Variants in ECM2 observed in about 807,000 individuals in gnomAD.
ECM2 encodes the protein extracellular matrix protein 2.
In ECM2, 57 loss-of-function variants were observed where a neutral mutation model predicts 67.5. The ratio of observed to expected loss-of-function variants is 0.84; its 90% CI spans 0.68 to 1.05. ECM2 has a LOEUF of 1.05. ECM2 is among the 50% of genes least tolerant of loss of function. The probability of loss-of-function intolerance (pLI) is 0.00; values close to 1 mark genes in which losing one functional copy is unlikely to be tolerated. For missense variants in ECM2, 741 were observed against 822.8 expected (o/e 0.90, Z 1.22); for synonymous variants, 258 against 294.5 (o/e 0.88, Z 1.27).
intron 2 of ECM2, among the ~76,000 whole-genome samples, chr9:92,521,649 A>T (rs1848076974): frequency 1.3e-5 from 2 of 152,206 alleles, no homozygotes; most frequent in African/African-American, 4.8e-5. Flanking sequence ...AAAAATGTAA[A>T]CCATTTAATA....
intron 6 of ECM2, 42 bp from the exon 7 acceptor site, chr9:92,505,732 AAC>A: frequency 6.8e-7 from 1 of 1,474,020 alleles, no homozygotes; most frequent in Non-Finnish European, 9.1e-7. Flanking sequence ...ATAATTGAAA[AAC>A]CATGCAAATT....
At chr9:92,552,080 C>CATATATGTGATATGATAGGTCTATCAT in the ECM2 span, among the ~76,000 whole-genome samples, 2,160 of 74,676 alleles carry the variant, frequency 0.029, 205 homozygotes, top group Non-Finnish European at 0.036. Context: ...ATAGATCTAT[C>CATATATGTGATATGATAGGTCTATCAT]ATATATGTGA....
the ECM2 span, among the ~76,000 whole-genome samples, chr9:92,546,701 T>A: frequency 6.6e-6 from 1 of 152,298 alleles, no homozygotes; most frequent in South Asian, 2.1e-4. Context: ...ATTCTTGAAG[T>A]CAGTGAGACC....
chr9:92,507,873 C>A (rs1361040555), intron 6 of ECM2, among the ~76,000 whole-genome samples: 1 of 152,170 alleles, frequency 6.6e-6, no homozygotes, highest in Non-Finnish European at 1.5e-5. Flanking sequence ...AATTCCCTGC[C>A]CTTCAGCAAG....
At chr9:92,526,885 C>T (rs530533346) in intron 1 of ECM2, among the ~76,000 whole-genome samples, 1 of 152,136 alleles carries the variant, frequency 6.6e-6, no homozygotes, top group Non-Finnish European at 1.5e-5. Flanking sequence ...ACTGACTCAC[C>T]GGAGTGACTT....
Position 92,515,016 on chromosome 9 carries a change from ATCT to A in ECM2, c.666_668del (p.Glu222del), listed in dbSNP as rs769309376. ...CAGGGGTCTCTCTCTTTTGCTCTGT[ATCT>A]TCTTCTTTCACTTCTTCATCCTCCT... On this transcript the variant is annotated inframe_deletion, in exon 4 of 10. Coordinates refer to ENST00000344604, the MANE Select transcript of ECM2 (RefSeq NM_001393.4). 1.5e-5 allele frequency: 24 copies of A among 1,613,910 alleles called. No individual in the cohort carries two copies. Among genetic ancestry groups the A allele is most frequent in the Non-Finnish European group, 1.9e-5 (22 of 1,179,964 alleles).
intron 2 of ECM2, among the ~76,000 whole-genome samples, chr9:92,518,509 G>A (rs1413187419): frequency 1.3e-5 from 2 of 152,172 alleles, no homozygotes; most frequent in South Asian, 2.1e-4. Flanking sequence ...GCATGCTTCC[G>A]TGGTGCTTCT....
intron 2 of ECM2, among the ~76,000 whole-genome samples, chr9:92,520,012 TGGC>T (rs1847961591): frequency 2.1e-5 from 2 of 94,080 alleles, no homozygotes; most frequent in African/African-American, 7.1e-5. Flanking sequence ...CCCAATACAG[TGGC>T]TCTCGCTTGT....
In ECM2 at chr9:92,500,774, T is replaced by A; in HGVS notation, c.1884A>T (p.Gln628His). 1 of 1,614,148 alleles carries A rather than the reference T, an allele frequency of 6.2e-7. No individual in the cohort carries two copies. The highest frequency in any genetic ancestry group is 8.5e-7 in the Non-Finnish European group (1 of 1,179,966). The change falls in exon 9 of 10, where the codon CAA becomes CAT. Residue 628 changes from glutamine to histidine, a missense_variant. Gln to His is a conservative substitution (Grantham distance 24, BLOSUM62 0). Coordinates refer to ENST00000344604, the MANE Select transcript of ECM2 (RefSeq NM_001393.4). ...TCAGAAAATGTAGTGCTTTCATTTC[T>A]TGTATCCCAGGTGGTATAGATTTTA... ...NDLKSIPPGI[Q>H]EMKALHFLRL...
At chr9:92,533,331 ATAT>A (rs1563991502) in intron 1 of ECM2, among the ~76,000 whole-genome samples, 87 of 79,064 alleles carry the variant, frequency 1.1e-3, no homozygotes, top group East Asian at 3.8e-3. Context: ...AAAAAAAAAT[ATAT>A]ATATATATAT....
intron 8 of ECM2, among the ~76,000 whole-genome samples, chr9:92,501,375 T>G (rs1846664829): frequency 3.3e-5 from 5 of 152,206 alleles, no homozygotes; most frequent in Non-Finnish European, 7.3e-5. Context: ...GTTGATGCGT[T>G]GAATCCAAAA....
At chr9:92,503,820 C>G (rs1020390434) in intron 7 of ECM2, among the ~76,000 whole-genome samples, 1 of 152,190 alleles carries the variant, frequency 6.6e-6, no homozygotes, top group Non-Finnish European at 1.5e-5. Flanking sequence ...CAGTAAGAGA[C>G]TAGTCAAATA....
At chr9:92,551,962 ATGTG>A in the ECM2 span, among the ~76,000 whole-genome samples, 940 of 112,852 alleles carry the variant, frequency 8.3e-3, 67 homozygotes, top group African/African-American at 0.041. Flanking sequence ...TGATATATAT[ATGTG>A]TGATATATAT....
At chr9:92,504,464 A>G (rs1330766165) in intron 7 of ECM2, among the ~76,000 whole-genome samples, 1 of 152,156 alleles carries the variant, frequency 6.6e-6, no homozygotes, top group Non-Finnish European at 1.5e-5. Context: ...CTTAGTAAGG[A>G]AACCTGGGTT....
At chr9:92,531,103 C>T (rs1189102407) in intron 1 of ECM2, among the ~76,000 whole-genome samples, 3 of 152,010 alleles carry the variant, frequency 2.0e-5, no homozygotes, top group East Asian at 1.9e-4. Flanking sequence ...TTAATTGGAA[C>T]ATTTAGGCTG....
intron 3 of ECM2, chr9:92,517,239 C>T (rs961872589): frequency 5.3e-6 from 1 of 189,366 alleles, no homozygotes; most frequent in African/African-American, 2.4e-5. Context: ...TTGGGTATAG[C>T]CAGAGGGTTG....
In ECM2 at chr9:92,502,653, C is replaced by A; in HGVS notation, c.1465-1G>T. 6.4e-7 allele frequency: 1 copy of A among 1,560,924 alleles called. No homozygotes were observed. The highest frequency in any genetic ancestry group is 8.8e-7 in the Non-Finnish European group (1 of 1,141,578). On this transcript the variant is annotated splice_acceptor_variant, in intron 7 of 9. Coordinates refer to ENST00000344604, the MANE Select transcript of ECM2 (RefSeq NM_001393.4). LOFTEE classifies it high-confidence loss of function. The stretch of plus-strand genomic sequence containing the variant: ...TTTGGTTATTTTCTAGGTATAATTC[C>A]TATAATTAAGAGAGAAGACTATTAT...
intron 1 of ECM2, among the ~76,000 whole-genome samples, chr9:92,534,703 A>G (rs1849058048): frequency 6.6e-6 from 1 of 152,238 alleles, no homozygotes; most frequent in Non-Finnish European, 1.5e-5. Context: ...TTGGAAGGGA[A>G]TAACAACAAC....
At chr9:92,509,054 G>A (rs1486730919) in intron 6 of ECM2, among the ~76,000 whole-genome samples, 2 of 151,776 alleles carry the variant, frequency 1.3e-5, no homozygotes, top group African/African-American at 2.4e-5. Flanking sequence ...TCTATACAGA[G>A]TCACAATATG....
Sources: allele counts gnomAD v4.1 joint callset (sites outside exome capture counted in the v4.1 genomes callset), GRCh38; gene constraint gnomAD v4.1.1; transcripts MANE v1.5; gene names NCBI Gene and HGNC (gene_info 2026-07-23, HGNC 2026-07-21).